ADK: variants seen among roughly 807,000 people sequenced by gnomAD.
The protein encoded by ADK is adenosine kinase.
In ADK, 24 loss-of-function variants were observed where a neutral mutation model predicts 44.7. The ratio of observed to expected loss-of-function variants is 0.54; its 90% CI spans 0.39 to 0.76. ADK has a LOEUF of 0.76. Ranked by LOEUF, ADK falls within the 30% of genes least tolerant of loss-of-function variation. ADK has a pLI of 0.00. For synonymous variants in ADK, 128 were observed against 142.6 expected, an observed-to-expected ratio of 0.90 and a Z score of 0.73; for missense variants, 321 against 425.1, an observed-to-expected ratio of 0.76 and a Z score of 2.15.
At chr10:74,529,048 CAGAT>C (rs1487432970) in intron 7 of ADK, among the ~76,000 whole-genome samples, 3 of 152,182 alleles carry the variant, frequency 2.0e-5, no homozygotes, top group African/African-American at 7.2e-5. Flanking sequence ...AGCAGGGACT[CAGAT>C]AATTGTACAC....
chr10:74,539,666 CTT>C (rs1345998550), intron 7 of ADK, among the ~76,000 whole-genome samples: 3 of 151,866 alleles, frequency 2.0e-5, no homozygotes, highest in Non-Finnish European at 4.4e-5. Context: ...GGGAAAGAAA[CTT>C]TATCGGAGGA....
intron 6 of ADK, among the ~76,000 whole-genome samples, chr10:74,474,519 C>CCCTTTCTTT (rs756682456): frequency 2.7e-5 from 4 of 150,684 alleles, no homozygotes; most frequent in East Asian, 2.0e-4. Flanking sequence ...CCCTTCCCTT[C>CCCTTTCTTT]CCTTTCTTTC....
chr10:74,568,704 ATTATT>A (rs1042213175), intron 7 of ADK, among the ~76,000 whole-genome samples: 7 of 151,600 alleles, frequency 4.6e-5, no homozygotes, highest in African/African-American at 1.5e-4. Flanking sequence ...TGAATACAGA[ATTATT>A]TTATTTTTAT....
In ADK at chr10:74,498,303, C is replaced by G. The variant is rs148915003; in HGVS notation, c.556-26953C>G. 9.0e-3 allele frequency among the ~76,000 whole-genome samples: 1,374 copies of G among 152,298 alleles called. 17 individuals are homozygous for G. Among genetic ancestry groups the G allele is most frequent in the Non-Finnish European group, 0.014 (940 of 68,026 alleles). ...TATGTAAATCATTAAGATTTTACCA[C>G]TGATCAGGTTTCCATGATAAATTGT... On this transcript the variant is annotated intron_variant, in intron 6 of 10. Coordinates refer to ENST00000539909, the MANE Select transcript of ADK (RefSeq NM_006721.4).
intron 7 of ADK, chr10:74,530,690 C>T (rs987306164): frequency 6.6e-6 from 1 of 152,194 alleles, no homozygotes; most frequent in Non-Finnish European, 1.5e-5. Flanking sequence ...CTTTGGGAGG[C>T]TGAAGCGAGT....
Position 74,218,903 on chromosome 10 carries a change from G to A in ADK, c.141-5635G>A, listed in dbSNP as rs1283347330. On this transcript the variant is annotated intron_variant, in intron 2 of 10. Coordinates refer to ENST00000539909, the MANE Select transcript of ADK (RefSeq NM_006721.4). ...AGGAAAGGAACAACCGGTACCAGCT[G>A]CTGCAAAATCATGCCAAAATGTAAA... Among the ~76,000 whole-genome samples, 6 of 152,110 alleles carry A rather than the reference G, an allele frequency of 3.9e-5. No homozygotes were observed. In the East Asian group the frequency reaches 5.8e-4, roughly 15 times the overall value.
intron 6 of ADK, among the ~76,000 whole-genome samples, chr10:74,470,173 C>T (rs559432910): frequency 4.6e-5 from 7 of 151,856 alleles, no homozygotes; most frequent in South Asian, 4.2e-4. Context: ...TACAGGTGCG[C>T]GCAACCACAC....
chr10:74,222,375 G>C (rs977358303), intron 2 of ADK, among the ~76,000 whole-genome samples: 3 of 151,632 alleles, frequency 2.0e-5, no homozygotes, highest in African/African-American at 7.3e-5. Context: ...GTGCTGGAGA[G>C]GATGTGGAGA....
Position 74,539,769 on chromosome 10 carries a change from GA to G in ADK, c.726+14346del, listed in dbSNP as rs1849565472. Among the ~76,000 whole-genome samples, 6 of 152,120 alleles carry G rather than the reference GA, an allele frequency of 3.9e-5. No homozygotes were observed. In the South Asian group the frequency reaches 1.2e-3, roughly 32 times the overall value. ...AGTTGTATTTTCTGAGAAGGATAATGAAATTTCAGTTAACATGGAACTGTAA... is the reference window on the plus strand; with the variant it reads ...AGTTGTATTTTCTGAGAAGGATAATGAATTTCAGTTAACATGGAACTGTAA... On this transcript the variant is annotated intron_variant, in intron 7 of 10. Coordinates refer to ENST00000539909, the MANE Select transcript of ADK (RefSeq NM_006721.4).
chr10:74,209,774 T>C (rs906826898), intron 2 of ADK, among the ~76,000 whole-genome samples: 6 of 152,178 alleles, frequency 3.9e-5, no homozygotes, highest in African/African-American at 1.4e-4. Context: ...AAGTACATTA[T>C]TGAAAAGAAT....
intron 4 of ADK, among the ~76,000 whole-genome samples, chr10:74,352,563 A>C (rs1361050659): frequency 1.3e-5 from 2 of 152,224 alleles, no homozygotes. Context: ...CAAAAGCCAA[A>C]ATTGACAAAT....
intron 9 of ADK, among the ~76,000 whole-genome samples, chr10:74,666,917 G>A (rs1253191970): frequency 2.1e-5 from 3 of 143,114 alleles, no homozygotes; most frequent in Non-Finnish European, 3.0e-5. Flanking sequence ...TGCAACCTCC[G>A]CCTCCCAGAT....
intron 6 of ADK, among the ~76,000 whole-genome samples, chr10:74,450,263 G>A (rs1216721806): frequency 6.6e-6 from 1 of 152,190 alleles, no homozygotes; most frequent in African/African-American, 2.4e-5. Context: ...AGTGATCTGT[G>A]ATCGTATCTC....
chr10:74,414,868 G>A (rs754506335), intron 6 of ADK, among the ~76,000 whole-genome samples: 7 of 152,044 alleles, frequency 4.6e-5, no homozygotes, highest in African/African-American at 9.7e-5. Context: ...TCTCCAAATT[G>A]GAGAATGTAC....
chr10:74,511,950 A>G (rs1225229981), intron 6 of ADK, among the ~76,000 whole-genome samples: 2 of 152,130 alleles, frequency 1.3e-5, no homozygotes, highest in Non-Finnish European at 2.9e-5. Flanking sequence ...GGTAATTTCA[A>G]CATGTTATTA....
chr10:74,533,860 G>A (rs1473316904), intron 7 of ADK, among the ~76,000 whole-genome samples: 2 of 152,122 alleles, frequency 1.3e-5, no homozygotes, highest in African/African-American at 4.8e-5. Context: ...AATGGCCAAA[G>A]TCTGGAAAAC....
chr10:74,220,814 T>G (rs11000928), intron 2 of ADK, among the ~76,000 whole-genome samples: 1 of 152,038 alleles, frequency 6.6e-6, no homozygotes, highest in South Asian at 2.1e-4. Context: ...TAACAAAATT[T>G]AACAACCCTT....
chr10:74,263,168 A>C (rs1291399247), intron 3 of ADK, among the ~76,000 whole-genome samples: 2 of 152,170 alleles, frequency 1.3e-5, no homozygotes, highest in Admixed American at 6.5e-5. Context: ...TATACTGCAC[A>C]GGGGAATTGA....
intron 9 of ADK, among the ~76,000 whole-genome samples, chr10:74,623,476 AGTCCGT>A (rs1853072535): frequency 6.6e-6 from 1 of 152,108 alleles, no homozygotes; most frequent in South Asian, 2.1e-4. Context: ...TATATGATCT[AGTCCGT>A]ACTTGCTTAA....
Sources: gnomAD v4.1 joint callset for allele counts (sites outside exome capture counted in the v4.1 genomes callset) on GRCh38, gnomAD v4.1.1 for gene constraint, MANE v1.5 for transcripts, NCBI Gene and HGNC (gene_info 2026-07-23, HGNC 2026-07-21) for gene names.